The following SRD5A2 variants were observed in gnomAD, a reference collection of about 807,000 sequenced individuals.
SRD5A2 encodes the protein steroid 5 alpha-reductase 2.
Under a neutral mutation model 27.4 loss-of-function variants are expected in SRD5A2, and 30 were observed. The observed-to-expected ratio is 1.10, with a 90% CI of 0.82 to 1.49. SRD5A2 has a LOEUF of 1.49. Among genes scored for constraint, SRD5A2 ranks in the 40% most tolerant of loss-of-function variants. The pLI, the probability that SRD5A2 is intolerant of heterozygous loss-of-function variation, is 0.00. For synonymous variants in SRD5A2, 141 were observed against 133.6 expected, an observed-to-expected ratio of 1.06 and a Z score of -0.38; for missense variants, 348 against 323.4, an observed-to-expected ratio of 1.08 and a Z score of -0.58.
At chr2:31,637,778 C>A in the SRD5A2 span, among the ~76,000 whole-genome samples, 1 of 152,044 alleles carries the variant, frequency 6.6e-6, no homozygotes, top group Non-Finnish European at 1.5e-5. Flanking sequence ...GGTTTGACTG[C>A]ATCAGTTATA....
chr2:31,530,389 C>G (rs951772886), intron 3 of SRD5A2, among the ~76,000 whole-genome samples: 1 of 152,072 alleles, frequency 6.6e-6, no homozygotes, highest in East Asian at 1.9e-4. Context: ...GATGAGACTG[C>G]GTCAGTGGTT....
chr2:31,580,576 AG>A, intron 1 of SRD5A2, 43 bp downstream of exon 1: 1 of 1,459,222 alleles, frequency 6.9e-7, no homozygotes, highest in Non-Finnish European at 9.0e-7. Flanking sequence ...CGCCGGGAGC[AG>A]GGCAGTGCGC....
chr2:31,566,571 T>G (rs931364938), intron 1 of SRD5A2, among the ~76,000 whole-genome samples: 1 of 152,218 alleles, frequency 6.6e-6, no homozygotes, highest in African/African-American at 2.4e-5. Flanking sequence ...CTTTGCCAAG[T>G]GCTACTTTGC....
intron 1 of SRD5A2, among the ~76,000 whole-genome samples, chr2:31,550,002 A>G (rs1666353071): frequency 6.6e-6 from 1 of 152,140 alleles, no homozygotes; most frequent in Non-Finnish European, 1.5e-5. Flanking sequence ...ATCATAAGGC[A>G]ATCCTAGACA....
the SRD5A2 span, among the ~76,000 whole-genome samples, chr2:31,617,205 T>C: frequency 6.6e-6 from 1 of 151,838 alleles, no homozygotes; most frequent in Non-Finnish European, 1.5e-5. Flanking sequence ...GAAAACAGAC[T>C]AATACAGCCA....
chr2:31,533,662 T>C lies in SRD5A2; in HGVS notation c.386A>G (p.Tyr129Cys), dbSNP rs375231207. 1.9e-6 allele frequency: 3 copies of C among 1,563,242 alleles called. No homozygotes were observed. In the East Asian group the frequency reaches 7.1e-5, roughly 37 times the overall value. Residue 129 changes from tyrosine (Y) to cysteine (C), a missense_variant, in exon 2 of 5, where the codon TAT (tyrosine) becomes TGT (cysteine). Transcript: ENST00000622030. ...CTGNGVLQGY[Y>C]LIYCAEYPDG... ...AGGGTATTCAGCACAGTAAATCAGA[T>C]AGTAGCCTTGAAGGACTCCATTTCC...
At chr2:31,636,933 CT>C in the SRD5A2 span, among the ~76,000 whole-genome samples, 4 of 151,878 alleles carry the variant, frequency 2.6e-5, no homozygotes, top group Non-Finnish European at 4.4e-5. Context: ...CTCTATTTTT[CT>C]TTTTTTATTG....
At chr2:31,542,915 A>G (rs1338021073) in intron 1 of SRD5A2, among the ~76,000 whole-genome samples, 1 of 152,182 alleles carries the variant, frequency 6.6e-6, no homozygotes, top group Non-Finnish European at 1.5e-5. Flanking sequence ...TTCGAATTTG[A>G]AAAAAGACAT....
chr2:31,655,693 G>A, the SRD5A2 span, among the ~76,000 whole-genome samples: 1 of 152,132 alleles, frequency 6.6e-6, no homozygotes, highest in African/African-American at 2.4e-5. Flanking sequence ...TGGGAAGAAT[G>A]AGAAATATTG....
chr2:31,598,789 TA>T, the SRD5A2 span, among the ~76,000 whole-genome samples: 1 of 151,348 alleles, frequency 6.6e-6, no homozygotes, highest in Non-Finnish European at 1.5e-5. Flanking sequence ...AGGAAACAAA[TA>T]AAAATATGGC....
At chr2:31,542,591 T>C (rs1160478091) in intron 1 of SRD5A2, among the ~76,000 whole-genome samples, 2 of 152,022 alleles carry the variant, frequency 1.3e-5, no homozygotes, top group African/African-American at 4.8e-5. Flanking sequence ...ACAATACAAA[T>C]AAAGATTTTG....
the SRD5A2 span, among the ~76,000 whole-genome samples, chr2:31,646,403 C>A: frequency 1.3e-5 from 2 of 152,108 alleles, no homozygotes; most frequent in Non-Finnish European, 2.9e-5. Flanking sequence ...CTCCCAACTC[C>A]CAAGGCTACC....
chr2:31,659,405 T>C, the SRD5A2 span, among the ~76,000 whole-genome samples: 2 of 152,012 alleles, frequency 1.3e-5, no homozygotes, highest in South Asian at 2.1e-4. Flanking sequence ...CCTATTTGCA[T>C]GCAATATGAT....
chr2:31,647,297 G>A, the SRD5A2 span, among the ~76,000 whole-genome samples: 1 of 152,174 alleles, frequency 6.6e-6, no homozygotes, highest in African/African-American at 2.4e-5. Flanking sequence ...AGTCTGGGAT[G>A]GGGGCTGAAA....
chr2:31,574,764 A>G (rs889657541), intron 1 of SRD5A2, among the ~76,000 whole-genome samples: 6 of 152,262 alleles, frequency 3.9e-5, no homozygotes, highest in African/African-American at 1.4e-4. Context: ...AAATTTTATT[A>G]TAGAATTACC....
At chr2:31,553,028 A>T (rs1666411769) in intron 1 of SRD5A2, among the ~76,000 whole-genome samples, 1 of 152,210 alleles carries the variant, frequency 6.6e-6, no homozygotes, top group Admixed American at 6.6e-5. Context: ...AACCAAAGGA[A>T]ATCAGGAAAG....
upstream of SRD5A2, among the ~76,000 whole-genome samples, chr2:31,583,623 AAAAAACAAAAAAAAAGCAAAAAAAAAACC>A (rs1261390533): frequency 9.6e-5 from 4 of 41,806 alleles, no homozygotes; most frequent in African/African-American, 1.8e-4. Context: ...GGAAAAAAAA[AAAAAACAAAAAAAAAGCAAAAAAAAAACC>A]AAAAAAAAAG....
At chr2:31,546,778 C>T in intron 1 of SRD5A2, among the ~76,000 whole-genome samples, 1 of 152,046 alleles carries the variant, frequency 6.6e-6, no homozygotes, top group South Asian at 2.1e-4. Context: ...ACATGTGCCC[C>T]CTCAACTTTA....
At chr2:31,619,783 GTTGT>G in the SRD5A2 span, among the ~76,000 whole-genome samples, 112 of 152,074 alleles carry the variant, frequency 7.4e-4, 2 homozygotes, top group Middle Eastern at 0.014. Context: ...TTTTTATGGG[GTTGT>G]TTGTTTGTTT....
Sources: gnomAD v4.1 joint callset for allele counts (sites outside exome capture counted in the v4.1 genomes callset) on GRCh38, gnomAD v4.1.1 for gene constraint, MANE v1.5 for transcripts, NCBI Gene and HGNC (gene_info 2026-07-23, HGNC 2026-07-21) for gene names.